Variants in NKAIN2 observed in about 807,000 individuals in gnomAD.
NKAIN2 encodes the protein sodium/potassium-transporting ATPase subunit beta-1-interacting protein 2.
Under a neutral mutation model 32.6 loss-of-function variants are expected in NKAIN2, and 14 were observed. The observed-to-expected ratio is 0.43, with a 90% confidence interval of 0.28 to 0.67. The LOEUF (loss-of-function observed/expected upper bound fraction) is 0.67, where lower values mean the gene tolerates loss of function less well. Ranked by LOEUF, NKAIN2 falls within the 30% of genes least tolerant of loss-of-function variation. The pLI is 0.17. For missense variants in NKAIN2, 198 were observed against 258.3 expected (o/e 0.77, Z 1.60); for synonymous variants, 80 against 87.2 (o/e 0.92, Z 0.46).
chr6:124,423,495 T>A (rs1270293196), intron 3 of NKAIN2, among the ~76,000 whole-genome samples: 1 of 152,324 alleles, frequency 6.6e-6, no homozygotes, highest in East Asian at 1.9e-4. Flanking sequence ...CAAAAGGTGA[T>A]GTTAATTTTG....
At chr6:124,698,823 A>G (rs12526280) in intron 4 of NKAIN2, among the ~76,000 whole-genome samples, 27,766 of 152,144 alleles carry the variant, frequency 0.18, 2,958 homozygotes, top group East Asian at 0.46. Flanking sequence ...GGAACAAGAG[A>G]ATTTCCACAG....
At chr6:124,064,045 G>A (rs899351305) in intron 1 of NKAIN2, among the ~76,000 whole-genome samples, 1 of 151,642 alleles carries the variant, frequency 6.6e-6, no homozygotes, top group Non-Finnish European at 1.5e-5. Context: ...CTGCCTCCCG[G>A]GTTCACACCA....
chr6:124,521,173 G>C (rs1488915402), intron 3 of NKAIN2, among the ~76,000 whole-genome samples: 1 of 152,098 alleles, frequency 6.6e-6, no homozygotes, highest in African/African-American at 2.4e-5. Flanking sequence ...ATGTCAAGCA[G>C]GAGTAGTGAG....
chr6:124,531,366 C>G (rs1413511113), intron 3 of NKAIN2, among the ~76,000 whole-genome samples: 4 of 152,196 alleles, frequency 2.6e-5, no homozygotes, highest in African/African-American at 9.6e-5. Flanking sequence ...TGGCCTAACC[C>G]TCTTTGCATC....
chr6:124,270,449 C>A (rs1278244848), intron 1 of NKAIN2, among the ~76,000 whole-genome samples: 4 of 152,046 alleles, frequency 2.6e-5, no homozygotes, highest in Non-Finnish European at 4.4e-5. Context: ...ACCTAGTTGA[C>A]AAATTTCAAA....
rs112772828 is a variant in NKAIN2, at chr6:124,519,846, A to C, written c.274-138340A>C. On this transcript the variant is annotated intron_variant, in intron 3 of 6. Coordinates refer to ENST00000368417, the MANE Select transcript of NKAIN2 (RefSeq NM_001040214.3). Reference sequence around the variant, plus strand: ...AATCTTAATACTTGCATGTCTTACTACTTAGACCATCAAAAGAGACGAAAT... The same window carrying C: ...AATCTTAATACTTGCATGTCTTACTCCTTAGACCATCAAAAGAGACGAAAT... Among the ~76,000 whole-genome samples, 324 of 152,340 alleles carry C rather than the reference A, an allele frequency of 2.1e-3. 2 individuals are homozygous for C. The highest frequency in any genetic ancestry group is 7.5e-3 in the African/African-American group (313 of 41,578).
intron 4 of NKAIN2, among the ~76,000 whole-genome samples, chr6:124,778,006 C>A (rs1779058536): frequency 6.6e-6 from 1 of 151,412 alleles, no homozygotes; most frequent in Non-Finnish European, 1.5e-5. Flanking sequence ...GAGATGACAT[C>A]CAGTAATGAG....
intron 1 of NKAIN2, among the ~76,000 whole-genome samples, chr6:124,104,968 A>C (rs1334010645): frequency 6.6e-6 from 1 of 152,194 alleles, no homozygotes; most frequent in Non-Finnish European, 1.5e-5. Context: ...TGGAAAAGAC[A>C]AGACTTCTGT....
intron 1 of NKAIN2, among the ~76,000 whole-genome samples, chr6:124,186,172 G>A (rs1293199507): frequency 2.3e-5 from 3 of 132,704 alleles, no homozygotes; most frequent in African/African-American, 9.5e-5. Flanking sequence ...AGGGAGGGAG[G>A]GAAAGAAAGA....
chr6:124,396,592 G>A (rs1465780701), intron 3 of NKAIN2, among the ~76,000 whole-genome samples: 4 of 152,130 alleles, frequency 2.6e-5, no homozygotes, highest in Admixed American at 1.3e-4. Context: ...ATGTCATTCT[G>A]CCTTACTTAA....
At chr6:124,716,572 T>C (rs1043271075) in intron 4 of NKAIN2, among the ~76,000 whole-genome samples, 1 of 152,142 alleles carries the variant, frequency 6.6e-6, no homozygotes, top group African/African-American at 2.4e-5. Context: ...GCTCCTAATA[T>C]CACTTAGTTA....
chr6:123,866,570 A>G lies in NKAIN2; in HGVS notation c.54+62316A>G, dbSNP rs558744334. Among the ~76,000 whole-genome samples, 43 of 152,188 alleles carry G rather than the reference A, an allele frequency of 2.8e-4. 1 individual carries two copies. In the South Asian group the frequency reaches 8.5e-3, roughly 30 times the overall value. On this transcript the variant is annotated intron_variant, in intron 1 of 6. Transcript: ENST00000368417. ...CTCAGCCTCCCGAGTAGCTGGGACT[A>G]CAGACGCCCGCCACCAAGCCCGGCC...
chr6:124,511,353 C>T (rs1366223721), intron 3 of NKAIN2, among the ~76,000 whole-genome samples: 1 of 152,182 alleles, frequency 6.6e-6, no homozygotes, highest in Non-Finnish European at 1.5e-5. Flanking sequence ...GTTCTGAGAG[C>T]TGATTGTGCC....
chr6:123,843,828 T>C (rs911419187), intron 1 of NKAIN2, among the ~76,000 whole-genome samples: 1 of 152,136 alleles, frequency 6.6e-6, no homozygotes, highest in African/African-American at 2.4e-5. Context: ...GGTTGTCTTA[T>C]GATGCAGCTA....
intron 1 of NKAIN2, among the ~76,000 whole-genome samples, chr6:123,934,735 C>T (rs1322855770): frequency 2.6e-5 from 4 of 152,078 alleles, no homozygotes; most frequent in Non-Finnish European, 5.9e-5. Flanking sequence ...AAGGAATTTA[C>T]ATTCAAAATG....
At chr6:124,575,011 C>T (rs981648812) in intron 3 of NKAIN2, among the ~76,000 whole-genome samples, 1 of 152,108 alleles carries the variant, frequency 6.6e-6, no homozygotes, top group African/African-American at 2.4e-5. Flanking sequence ...AAAAATCTAC[C>T]ACAGGTTTAT....
intron 1 of NKAIN2, among the ~76,000 whole-genome samples, chr6:124,029,211 C>G (rs1781296059): frequency 6.6e-6 from 1 of 151,822 alleles, no homozygotes; most frequent in Non-Finnish European, 1.5e-5. Context: ...TCTGGGATGT[C>G]TGTCTATTGT....
At chr6:124,568,705 A>G (rs2114911985) in intron 3 of NKAIN2, among the ~76,000 whole-genome samples, 1 of 150,986 alleles carries the variant, frequency 6.6e-6, no homozygotes, top group African/African-American at 2.4e-5. Context: ...GTGGTCATCT[A>G]GTGGTGAAAG....
At chr6:124,183,045 G>T (rs1457424035) in intron 1 of NKAIN2, among the ~76,000 whole-genome samples, 3 of 151,974 alleles carry the variant, frequency 2.0e-5, no homozygotes, top group Non-Finnish European at 4.4e-5. Context: ...TTAGTGCTAG[G>T]CTACTTATCC....
Sources: allele counts gnomAD v4.1 joint callset (sites outside exome capture counted in the v4.1 genomes callset), GRCh38; gene constraint gnomAD v4.1.1; transcripts MANE v1.5; gene names NCBI Gene and HGNC (gene_info 2026-07-23, HGNC 2026-07-21).